Variants in SLC41A2 observed in about 807,000 individuals in gnomAD.
The protein encoded by SLC41A2 is solute carrier family 41 member 2.
In SLC41A2, 32 loss-of-function variants were observed where a neutral mutation model predicts 58.3. The observed-to-expected ratio is 0.55, with a 90% CI of 0.41 to 0.74. The LOEUF (loss-of-function observed/expected upper bound fraction) is 0.74, where lower values mean the gene tolerates loss of function less well. Ranked by LOEUF, SLC41A2 falls within the 30% of genes least tolerant of loss-of-function variation. The pLI is 0.00. For synonymous variants in SLC41A2, 190 were observed against 235.0 expected (o/e 0.81, Z 1.75); for missense variants, 514 against 680.6 (o/e 0.76, Z 2.72).
intron 4 of SLC41A2, among the ~76,000 whole-genome samples, chr12:104,893,629 G>C (rs1401934393): frequency 6.6e-6 from 1 of 152,132 alleles, no homozygotes; most frequent in African/African-American, 2.4e-5. Context: ...CAGATGAATG[G>C]ATAAAGAAAA....
intron 8 of SLC41A2, among the ~76,000 whole-genome samples, chr12:104,847,377 G>A (rs1592986081): frequency 6.6e-6 from 1 of 152,112 alleles, no homozygotes; most frequent in Middle Eastern, 3.4e-3. Flanking sequence ...GCCGAGGTGG[G>A]TGGATCACGA....
chr12:104,860,151 C>T (rs2136417126), intron 8 of SLC41A2, among the ~76,000 whole-genome samples: 1 of 152,060 alleles, frequency 6.6e-6, no homozygotes, highest in East Asian at 1.9e-4. Context: ...TTATATTGAT[C>T]TAGGCTGTAC....
intron 3 of SLC41A2, among the ~76,000 whole-genome samples, chr12:104,896,935 C>T (rs2045314169): frequency 6.6e-6 from 1 of 152,222 alleles, no homozygotes; most frequent in Non-Finnish European, 1.5e-5. Flanking sequence ...CGCAGGTGTC[C>T]AGACTTCCTC....
At chr12:104,867,540 AT>A (rs578068745) in intron 6 of SLC41A2, among the ~76,000 whole-genome samples, 1 of 140,700 alleles carries the variant, frequency 7.1e-6, no homozygotes, top group African/African-American at 2.7e-5. Context: ...TGAATTTTCT[AT>A]TTTTTTTGCT....
chr12:104,868,958 G>C lies in SLC41A2; in HGVS notation c.1028-2379C>G, dbSNP rs1294831608. ...GGCAAATCCGAAGAGAAGGTAGATT[G>C]GTGATTGTTAGAGGAGGGGTGGGAT... On this transcript the variant is annotated intron_variant, in intron 6 of 10. Transcript: ENST00000258538. Among the ~76,000 whole-genome samples, 6 of 152,278 alleles carry C rather than the reference G, an allele frequency of 3.9e-5. No homozygotes were observed. In the East Asian group the frequency reaches 1.2e-3, roughly 29 times the overall value.
At chr12:104,905,461 C>A (rs1016225458) in intron 3 of SLC41A2, among the ~76,000 whole-genome samples, 1 of 152,248 alleles carries the variant, frequency 6.6e-6, no homozygotes. Flanking sequence ...CTAGTGGATC[C>A]CGCACCGGGG....
intron 10 of SLC41A2, among the ~76,000 whole-genome samples, chr12:104,805,608 T>C (rs1487796667): frequency 2.0e-5 from 3 of 152,214 alleles, no homozygotes; most frequent in Non-Finnish European, 2.9e-5. Context: ...TTTGGATATT[T>C]TAATAGCACT....
chr12:104,918,642 A>AAAAAAAAT (rs2046443182), intron 2 of SLC41A2, among the ~76,000 whole-genome samples: 1 of 151,346 alleles, frequency 6.6e-6, no homozygotes, highest in Non-Finnish European at 1.5e-5. Context: ...AAAAAAAAAA[A>AAAAAAAAT]AAAAACTAAA....
In SLC41A2 at chr12:104,945,317, G is replaced by A. The variant is rs530986649; in HGVS notation, c.-168+12771C>T. 4.7e-4 allele frequency among the ~76,000 whole-genome samples: 71 copies of A among 151,882 alleles called. 1 individual carries two copies. Among genetic ancestry groups the A allele is most frequent in the Admixed American group, 6.6e-4 (10 of 15,240 alleles). ...AGATTGAGACCATCCTGGCTAATGC[G>A]GTGAAACCCCATCTCTACTAAAAAT... On this transcript the variant is annotated intron_variant, in intron 1 of 10. Coordinates refer to ENST00000258538, the MANE Select transcript of SLC41A2 (RefSeq NM_001352171.3).
chr12:104,857,554 G>C (rs1285026877), intron 8 of SLC41A2, among the ~76,000 whole-genome samples: 1 of 152,100 alleles, frequency 6.6e-6, no homozygotes, highest in Non-Finnish European at 1.5e-5. Context: ...ACATGCACAT[G>C]TATGTTTATT....
chr12:104,853,705 A>ATG (rs2042886701), intron 8 of SLC41A2, among the ~76,000 whole-genome samples: 2 of 143,384 alleles, frequency 1.4e-5, no homozygotes, highest in Admixed American at 7.2e-5. Context: ...TATTTTTTAA[A>ATG]TAAATGTATG....
chr12:104,807,993 C>A (rs375496221), intron 10 of SLC41A2, among the ~76,000 whole-genome samples: 1 of 152,172 alleles, frequency 6.6e-6, no homozygotes, highest in East Asian at 1.9e-4. Flanking sequence ...TCTAGATATA[C>A]AATCATGTCA....
chr12:104,909,676 C>T lies in SLC41A2; in HGVS notation c.642G>A (p.Leu214=), dbSNP rs1593122646. ...TTACTGCAGTGGATAATCTGGATGC[C>T]AATGTCATTTCCAAGTTCCCTTTGA... ...LGLKGNLEMT[L]ASRLSTAVNI... The change falls in exon 3 of 11, where the codon TTG becomes TTA. Residue 214 remains leucine, a synonymous_variant. Coordinates refer to ENST00000258538, the MANE Select transcript of SLC41A2 (RefSeq NM_001352171.3). 6.2e-7 allele frequency: 1 copy of T among 1,609,896 alleles called. No homozygotes were observed. The highest frequency in any genetic ancestry group is 2.2e-5 in the East Asian group (1 of 44,812).
intron 6 of SLC41A2, among the ~76,000 whole-genome samples, chr12:104,872,770 C>T (rs2043850567): frequency 6.6e-6 from 1 of 152,074 alleles, no homozygotes. Context: ...CATTGAATTC[C>T]ATGGATGCAG....
At chr12:104,857,065 G>A (rs1029684120) in intron 8 of SLC41A2, among the ~76,000 whole-genome samples, 15 of 151,904 alleles carry the variant, frequency 9.9e-5, no homozygotes, top group African/African-American at 2.4e-4. Flanking sequence ...AAAGTAAAAC[G>A]TATTTCAAAA....
intron 8 of SLC41A2, among the ~76,000 whole-genome samples, chr12:104,853,046 T>C (rs1311305219): frequency 6.6e-6 from 1 of 152,204 alleles, no homozygotes; most frequent in African/African-American, 2.4e-5. Context: ...TATGTGAGAT[T>C]CCTCAGTATC....
chr12:104,951,668 G>T (rs930551099), intron 1 of SLC41A2: 1 of 151,824 alleles, frequency 6.6e-6, no homozygotes. Context: ...ATTCTTTAGG[G>T]TATATGGATG....
chr12:104,905,875 G>A (rs1326205009), intron 3 of SLC41A2, among the ~76,000 whole-genome samples: 1 of 152,198 alleles, frequency 6.6e-6, no homozygotes, highest in African/African-American at 2.4e-5. Flanking sequence ...ACACAGCCCC[G>A]GTTCCCGCTC....
At chr12:104,884,815 C>G (rs1388112643) in intron 6 of SLC41A2, among the ~76,000 whole-genome samples, 2 of 152,208 alleles carry the variant, frequency 1.3e-5, no homozygotes, top group Non-Finnish European at 2.9e-5. Flanking sequence ...GGGGTCAGGA[C>G]TACAAGTTAT....
Sources: gnomAD v4.1 joint callset for allele counts (sites outside exome capture counted in the v4.1 genomes callset) on GRCh38, gnomAD v4.1.1 for gene constraint, MANE v1.5 for transcripts, NCBI Gene and HGNC (gene_info 2026-07-23, HGNC 2026-07-21) for gene names.